BLNK: variants seen among roughly 807,000 people sequenced by gnomAD.
The protein encoded by BLNK is B cell linker.
Under a neutral mutation model 73.5 loss-of-function variants are expected in BLNK, and 29 were observed. The ratio of observed to expected loss-of-function variants is 0.39; its 90% CI spans 0.29 to 0.54. The LOEUF (loss-of-function observed/expected upper bound fraction) is 0.54. Ranked by LOEUF, BLNK falls within the 20% of genes least tolerant of loss-of-function variation. The pLI, the probability that BLNK is intolerant of heterozygous loss-of-function variation, is 0.61. For missense variants in BLNK, 460 were observed against 562.8 expected (o/e 0.82, Z 1.85); for synonymous variants, 176 against 200.8 (o/e 0.88, Z 1.04).
At chr10:96,233,844 A>G (rs1321373572) in intron 3 of BLNK, among the ~76,000 whole-genome samples, 1 of 152,240 alleles carries the variant, frequency 6.6e-6, no homozygotes, top group Non-Finnish European at 1.5e-5. Flanking sequence ...AGAATTTTGC[A>G]TTTGTAATTA....
At chr10:96,192,171 T>C in intron 16 of BLNK, 79 bp from the exon 17 acceptor site, 3 of 1,577,962 alleles carry the variant, frequency 1.9e-6, no homozygotes, top group South Asian at 2.2e-5. Context: ...TCTTCTCTCA[T>C]TCTCAAGTTA....
rs2083305270 is a variant in BLNK, at chr10:96,190,114, T to A, written c.*1859A>T. ...TAAGGATAACTGGTGCTCATTTTCA[T>A]CATTATCCACCTTAAAGTGATCATC... is the stretch of plus-strand genomic sequence containing the variant. On this transcript the variant is annotated 3_prime_UTR_variant, in exon 17 of 17. Transcript: ENST00000224337. 1 of 990,986 alleles carries A rather than the reference T, an allele frequency of 1.0e-6. No homozygotes were observed. Among genetic ancestry groups the A allele is most frequent in the Non-Finnish European group, 1.6e-6 (1 of 628,050 alleles). 61.4% of individuals were successfully genotyped at this position (990,986 alleles called of 1,614,324 possible).
At chr10:96,258,276 G>A (rs1267135672) in intron 1 of BLNK, among the ~76,000 whole-genome samples, 2 of 152,190 alleles carry the variant, frequency 1.3e-5, no homozygotes, top group Admixed American at 1.3e-4. Context: ...ATGTGAACAA[G>A]CCCCTCAAGG....
Position 96,207,005 on chromosome 10 carries a change from T to C in BLNK, c.817+6A>G, listed in dbSNP as rs782459899. The C allele has an allele frequency of 9.9e-6, 16 of 1,613,732 alleles. No individual in the cohort carries two copies. The South Asian group carries it at 1.3e-4, about 13-fold the overall frequency. On this transcript the variant is annotated splice_donor_region_variant and intron_variant, in intron 11 of 16. Transcript: ENST00000224337. ...CATGCTCATCCTTCAAAATAATAGA[T>C]TTTACCTTCACAAACACTTGAAGCA...
chr10:96,219,978 G>A (rs2084157077), intron 6 of BLNK, among the ~76,000 whole-genome samples: 1 of 152,212 alleles, frequency 6.6e-6, no homozygotes, highest in African/African-American at 2.4e-5. Context: ...CACCTGTACA[G>A]TAAGGAGCAG....
intron 1 of BLNK, among the ~76,000 whole-genome samples, chr10:96,256,783 A>G (rs1843533875): frequency 6.8e-6 from 1 of 147,572 alleles, no homozygotes; most frequent in Non-Finnish European, 1.5e-5. Context: ...TGGGAGGCTG[A>G]GGCCTGAGAA....
intron 16 of BLNK, among the ~76,000 whole-genome samples, chr10:96,196,639 CT>C (rs782391679): frequency 7.2e-5 from 11 of 152,156 alleles, no homozygotes; most frequent in Non-Finnish European, 8.8e-5. Flanking sequence ...ATATTTGCCC[CT>C]GGACTAAAAT....
At chr10:96,196,837 C>T (rs1462414748) in intron 16 of BLNK, 71 bp downstream of exon 16, 1 of 1,458,214 alleles carries the variant, frequency 6.9e-7, no homozygotes, top group Non-Finnish European at 9.6e-7. Flanking sequence ...TCTCTAGCAT[C>T]TAATACAGTA....
In BLNK at chr10:96,227,535, G is replaced by T; in HGVS notation, c.236C>A (p.Ser79Ter). The change falls in exon 5 of 17, where the codon TCG becomes TAG. Residue 79 changes from serine to a stop codon, truncating the protein, a stop_gained. Transcript: ENST00000224337. LOFTEE classifies it high-confidence loss of function. ...GGGCATCACGTACATCTCTGAGTCC[G>T]AGTGCTCATCTGGATTTTCATAGTC... Reference protein sequence around the residue: ...DSDYENPDEHSDSEMYVMPAE... With the variant: ...DSDYENPDEH The T allele has an allele frequency of 6.2e-7, 1 of 1,614,138 alleles. No individual in the cohort carries two copies. Among genetic ancestry groups the T allele is most frequent in the Non-Finnish European group, 8.5e-7 (1 of 1,180,042 alleles).
chr10:96,244,524 G>A (rs183923405), intron 2 of BLNK, among the ~76,000 whole-genome samples: 6 of 152,278 alleles, frequency 3.9e-5, no homozygotes, highest in Admixed American at 3.3e-4. Context: ...TTTCTCATGC[G>A]GCCATAGACC....
chr10:96,256,705 A>G (rs1554911265), intron 1 of BLNK, among the ~76,000 whole-genome samples: 2 of 152,026 alleles, frequency 1.3e-5, no homozygotes, highest in Non-Finnish European at 2.9e-5. Context: ...ACATGGTGAA[A>G]CCTTTGCTCT....
intron 7 of BLNK, 22 bp from the exon 8 acceptor site, chr10:96,215,411 G>GTA (rs3835127): frequency 0.014 from 19,607 of 1,385,858 alleles, 82 homozygotes; most frequent in African/African-American, 0.053. Context: ...AAATGTGTGT[G>GTA]TATATATATA....
At chr10:96,224,284 G>T (rs1425053559) in intron 5 of BLNK, among the ~76,000 whole-genome samples, 1 of 152,256 alleles carries the variant, frequency 6.6e-6, no homozygotes, top group Admixed American at 6.5e-5. Context: ...ACACAGAGGG[G>T]ATGGAAGCAG....
intron 15 of BLNK, chr10:96,199,495 C>T (rs375499776): frequency 1.7e-5 from 8 of 462,048 alleles, no homozygotes; most frequent in East Asian, 6.6e-5. Context: ...GGAGCTTTCT[C>T]GTCTCCCACT....
At chr10:96,254,315 A>T (rs1554910286) in intron 1 of BLNK, among the ~76,000 whole-genome samples, 3 of 152,328 alleles carry the variant, frequency 2.0e-5, no homozygotes, top group Non-Finnish European at 4.4e-5. Flanking sequence ...AGGGGAAGAC[A>T]GCAGAAGGAA....
intron 1 of BLNK, among the ~76,000 whole-genome samples, chr10:96,264,797 C>T (rs1008459769): frequency 6.6e-6 from 1 of 152,186 alleles, no homozygotes; most frequent in South Asian, 2.1e-4. Context: ...CTCTTGGACA[C>T]TGCCACAGAA....
rs1554892977 is a variant in BLNK at position 96,189,589 on chromosome 10, T to C, written c.*2384A>G. 2 of 686,892 alleles carry C rather than the reference T, an allele frequency of 2.9e-6. No individual in the cohort carries two copies. Among genetic ancestry groups the C allele is most frequent in the Non-Finnish European group, 2.7e-6 (1 of 368,914 alleles). 42.5% of individuals were successfully genotyped at this position (686,892 alleles called of 1,614,324 possible). A position where few individuals can be genotyped will look rare whatever the true frequency, so the allele number is the denominator to read the frequency against. On this transcript the variant is annotated 3_prime_UTR_variant, in exon 17 of 17. Transcript: ENST00000224337. The stretch of plus-strand genomic sequence containing the variant: ...GATTCTTGTCCTTTTAATCTTGGTG[T>C]TGATGATGGGTTTGAGTGTTTTCTA...
chr10:96,259,650 C>CCAAA lies in BLNK; in HGVS notation c.47+11698_47+11701dup, dbSNP rs199796869. On this transcript the variant is annotated intron_variant, in intron 1 of 16. Transcript: ENST00000224337. ...CGTATAAAGTAATTTATAAGTTTCT[C>CCAAA]CAAACAGTTCACACCCTACCTTTTT... is the stretch of plus-strand genomic sequence containing the variant. 8.8e-3 allele frequency among the ~76,000 whole-genome samples: 1,167 copies of CCAAA among 133,120 alleles called. 27 individuals carry two copies. Among genetic ancestry groups the CCAAA allele is most frequent in the African/African-American group, 0.03 (1,096 of 36,118 alleles). 87.3% of individuals were successfully genotyped at this position (133,120 alleles called of 152,430 possible).
At chr10:96,212,243 C>T (rs1160136285) in intron 8 of BLNK, among the ~76,000 whole-genome samples, 1 of 152,190 alleles carries the variant, frequency 6.6e-6, no homozygotes, top group Non-Finnish European at 1.5e-5. Context: ...TGGAGCATGA[C>T]TCTTCATGGG....
Sources: gnomAD v4.1 joint callset for allele counts (sites outside exome capture counted in the v4.1 genomes callset) on GRCh38, gnomAD v4.1.1 for gene constraint, MANE v1.5 for transcripts, NCBI Gene and HGNC (gene_info 2026-07-23, HGNC 2026-07-21) for gene names.